The following NTM variants were observed in gnomAD, a reference collection of about 807,000 sequenced individuals.
NTM encodes the protein IgLON family member 2.
A neutral mutation model predicts 42.1 loss-of-function variants in NTM; 13 were observed. The ratio of observed to expected loss-of-function variants is 0.31; its 90% CI spans 0.20 to 0.49. The LOEUF is 0.49. Ranked by LOEUF, NTM falls within the 20% of genes least tolerant of loss-of-function variation. The pLI is 0.99. For synonymous variants in NTM, 187 were observed against 179.2 expected, an observed-to-expected ratio of 1.04 and a Z score of -0.35; for missense variants, 373 against 452.8, an observed-to-expected ratio of 0.82 and a Z score of 1.60.
At chr11:131,451,024 A>T (rs1026584039) in intron 1 of NTM, among the ~76,000 whole-genome samples, 16 of 152,198 alleles carry the variant, frequency 1.1e-4, no homozygotes, top group African/African-American at 1.9e-4. Flanking sequence ...CAGTCTATAG[A>T]CATCAAAATT....
At chr11:131,629,672 C>A (rs969351785) in intron 1 of NTM, among the ~76,000 whole-genome samples, 1 of 152,106 alleles carries the variant, frequency 6.6e-6, no homozygotes, top group African/African-American at 2.4e-5. Context: ...CACACAATTT[C>A]GAAACGAGAG....
intron 3 of NTM, among the ~76,000 whole-genome samples, chr11:132,180,413 G>T (rs1316152353): frequency 1.3e-5 from 2 of 151,958 alleles, no homozygotes; most frequent in Non-Finnish European, 2.9e-5. Flanking sequence ...AACTTCAAAG[G>T]AACAAGCAAA....
At chr11:132,237,842 C>T (rs1405772001) in intron 4 of NTM, among the ~76,000 whole-genome samples, 1 of 152,178 alleles carries the variant, frequency 6.6e-6, no homozygotes, top group Non-Finnish European at 1.5e-5. Flanking sequence ...CGAGGAAATT[C>T]GCTGAACCCT....
chr11:132,044,102 ATGTG>A (rs1594064942), intron 2 of NTM, among the ~76,000 whole-genome samples: 1 of 145,760 alleles, frequency 6.9e-6, no homozygotes, highest in Non-Finnish European at 1.5e-5. Flanking sequence ...GTGTATGTAT[ATGTG>A]TGTATGTGTA....
chr11:131,545,575 C>T (rs2053823787), intron 1 of NTM, among the ~76,000 whole-genome samples: 1 of 152,140 alleles, frequency 6.6e-6, no homozygotes, highest in African/African-American at 2.4e-5. Flanking sequence ...TTGCTAGGTT[C>T]TCAGAATAGA....
In NTM at chr11:132,249,502, C is replaced by A. The variant is rs189941886; in HGVS notation, c.526+37355C>A. On this transcript the variant is annotated intron_variant, in intron 4 of 8. Coordinates refer to ENST00000683400, the MANE Select transcript of NTM (RefSeq NM_001352005.2). The stretch of plus-strand genomic sequence containing the variant: ...ACGTGGGTTGTTTCCTTGTGTGATG[C>A]CCAGAAGGACTGGCGGCAGGAGGAA... 3.9e-5 allele frequency among the ~76,000 whole-genome samples: 6 copies of A among 152,274 alleles called. No homozygotes were observed. The East Asian group carries it at 1.2e-3, about 29-fold the overall frequency.
At chr11:132,120,958 G>A (rs145634552) in intron 2 of NTM, among the ~76,000 whole-genome samples, 7 of 152,252 alleles carry the variant, frequency 4.6e-5, no homozygotes, top group Middle Eastern at 3.4e-3. Flanking sequence ...ACGTACACTC[G>A]TGATTTTTCC....
At chr11:131,829,845 A>G (rs2042593311) in intron 1 of NTM, among the ~76,000 whole-genome samples, 1 of 151,884 alleles carries the variant, frequency 6.6e-6, no homozygotes, top group Admixed American at 6.6e-5. Flanking sequence ...AGCATCAGTT[A>G]TTTTTTGACT....
intron 1 of NTM, among the ~76,000 whole-genome samples, chr11:131,616,778 G>GT (rs1555166353): frequency 0.37 from 52,935 of 141,726 alleles, 11,104 homozygotes; most frequent in Admixed American, 0.51. Context: ...GTCTTGAGGG[G>GT]GTGTGTGTGT....
At chr11:131,642,145 G>A (rs1454009467) in intron 1 of NTM, among the ~76,000 whole-genome samples, 2 of 152,198 alleles carry the variant, frequency 1.3e-5, no homozygotes, top group Admixed American at 1.3e-4. Flanking sequence ...CTGACACACG[G>A]CAGCCACTTG....
At chr11:132,245,456 G>T (rs1464793308) in intron 4 of NTM, among the ~76,000 whole-genome samples, 1 of 152,112 alleles carries the variant, frequency 6.6e-6, no homozygotes, top group Non-Finnish European at 1.5e-5. Flanking sequence ...AGCGTGCACC[G>T]GGGAGGCTGG....
At chr11:131,402,740 T>A (rs1945383623) in intron 1 of NTM, among the ~76,000 whole-genome samples, 1 of 152,162 alleles carries the variant, frequency 6.6e-6, no homozygotes, top group Non-Finnish European at 1.5e-5. Context: ...GAATGACATA[T>A]CCTCTGGCCA....
At chr11:132,303,618 A>G (rs751615063) in intron 4 of NTM, among the ~76,000 whole-genome samples, 39 of 152,060 alleles carry the variant, frequency 2.6e-4, no homozygotes, top group Admixed American at 1.7e-3. Flanking sequence ...GGAGGACACA[A>G]TTGAACCCAT....
chr11:131,684,363 C>A (rs1381455149), intron 1 of NTM, among the ~76,000 whole-genome samples: 1 of 152,200 alleles, frequency 6.6e-6, no homozygotes, highest in East Asian at 1.9e-4. Context: ...CCCTCCCCAC[C>A]TGGAAACTAT....
At chr11:131,414,091 C>G (rs1946705554) in intron 1 of NTM, among the ~76,000 whole-genome samples, 1 of 152,162 alleles carries the variant, frequency 6.6e-6, no homozygotes, top group Non-Finnish European at 1.5e-5. Context: ...GTTTCTTCCA[C>G]CAGTGTCGCT....
At chr11:131,620,159 C>T (rs548665561) in intron 1 of NTM, among the ~76,000 whole-genome samples, 138 of 152,272 alleles carry the variant, frequency 9.1e-4, no homozygotes, top group Admixed American at 2.0e-3. Context: ...AAAGGTACTA[C>T]GAGACTATAT....
chr11:132,309,004 C>T (rs1173568844), intron 5 of NTM, among the ~76,000 whole-genome samples: 1 of 152,184 alleles, frequency 6.6e-6, no homozygotes, highest in Non-Finnish European at 1.5e-5. Flanking sequence ...GAAACATCAC[C>T]TGCTTTAAGA....
chr11:131,922,814 T>A (rs1029556717), intron 2 of NTM, among the ~76,000 whole-genome samples: 1 of 152,186 alleles, frequency 6.6e-6, no homozygotes, highest in Non-Finnish European at 1.5e-5. Flanking sequence ...AAACTTAGAA[T>A]GAAATGCAAA....
At chr11:132,311,167 C>T (rs374611714) in intron 6 of NTM, among the ~76,000 whole-genome samples, 7 of 152,182 alleles carry the variant, frequency 4.6e-5, no homozygotes, top group Admixed American at 1.3e-4. Context: ...TGGCCGCCCA[C>T]GCTGTGTGCA....
Sources: allele counts gnomAD v4.1 joint callset (sites outside exome capture counted in the v4.1 genomes callset), GRCh38; gene constraint gnomAD v4.1.1; transcripts MANE v1.5; gene names NCBI Gene and HGNC (gene_info 2026-07-23, HGNC 2026-07-21).